Variants in SYNCRIP observed in about 807,000 individuals in gnomAD.
SYNCRIP encodes synaptotagmin binding cytoplasmic RNA interacting protein.
SYNCRIP carries 9 observed loss-of-function variants against 68.9 expected under a neutral mutation model. The observed-to-expected ratio is 0.13, with a 90% CI of 0.08 to 0.23. The LOEUF is 0.23. SYNCRIP is among the 10% of genes least tolerant of loss of function. SYNCRIP has a pLI of 1.00. For synonymous variants in SYNCRIP, 258 were observed against 254.0 expected, an observed-to-expected ratio of 1.02 and a Z score of -0.15; for missense variants, 414 against 770.6, an observed-to-expected ratio of 0.54 and a Z score of 5.48.
At chr6:85,639,619 TCAC>T (rs1383099135) in intron 4 of SYNCRIP, among the ~76,000 whole-genome samples, 7 of 152,084 alleles carry the variant, frequency 4.6e-5, no homozygotes, top group Non-Finnish European at 1.0e-4. Context: ...AGTAATACAA[TCAC>T]CACATTGTCT....
chr6:85,642,004 G>C (rs570917839), intron 1 of SYNCRIP, among the ~76,000 whole-genome samples: 1 of 152,204 alleles, frequency 6.6e-6, no homozygotes, highest in East Asian at 1.9e-4. Context: ...GCGGCCGCCA[G>C]GAGCCCATTA....
chr6:85,610,761 G>C (rs1036515375), downstream of SYNCRIP: 1 of 151,972 alleles, frequency 6.6e-6, no homozygotes, highest in Non-Finnish European at 1.5e-5. Flanking sequence ...ATTACACTGA[G>C]ATTCAATTTT....
At chr6:85,615,740 G>A (rs1805690109) in intron 10 of SYNCRIP, among the ~76,000 whole-genome samples, 1 of 152,188 alleles carries the variant, frequency 6.6e-6, no homozygotes, top group African/African-American at 2.4e-5. Context: ...AACCCAGGTG[G>A]CGGAGGCTGC....
downstream of SYNCRIP, chr6:85,609,661 C>T (rs946697436): frequency 6.6e-6 from 1 of 151,952 alleles, no homozygotes; most frequent in African/African-American, 2.4e-5. Flanking sequence ...AAAATTTTCT[C>T]ACAAAGCAAC....
At chr6:85,612,965 A>C, downstream of SYNCRIP, 1 of 1,546,104 alleles carries the variant, frequency 6.5e-7, no homozygotes, top group Non-Finnish European at 8.8e-7. Context: ...AAATCATCTT[A>C]AATTAATAAT....
chr6:85,613,358 TAAGA>T (rs1019142595), downstream of SYNCRIP, among the ~76,000 whole-genome samples: 6 of 152,228 alleles, frequency 3.9e-5, no homozygotes, highest in African/African-American at 2.4e-5. Context: ...GTGACATTTT[TAAGA>T]AAGTTTGTCT....
At chr6:85,613,019 T>C, downstream of SYNCRIP, 1 of 1,420,428 alleles carries the variant, frequency 7.0e-7, no homozygotes, top group Non-Finnish European at 9.5e-7. Context: ...AGCCTTAACA[T>C]GGTAATTCTA....
intron 6 of SYNCRIP, among the ~76,000 whole-genome samples, chr6:85,628,345 C>A (rs909030794): frequency 6.6e-6 from 1 of 152,340 alleles, no homozygotes; most frequent in East Asian, 1.9e-4. Context: ...CATGATCCAC[C>A]GCACCTGGCC....
intron 6 of SYNCRIP, among the ~76,000 whole-genome samples, chr6:85,624,883 A>T (rs544541539): frequency 2.0e-5 from 3 of 152,310 alleles, no homozygotes; most frequent in African/African-American, 7.2e-5. Context: ...ACACCTCAAA[A>T]TTTGTTACTA....
Position 85,615,073 on chromosome 6 carries a change from C to A in SYNCRIP, c.1555G>T (p.Gly519Cys). 6.2e-7 allele frequency: 1 copy of A among 1,614,132 alleles called. No homozygotes were observed. The highest frequency in any genetic ancestry group is 8.5e-7 in the Non-Finnish European group (1 of 1,180,022). ...CCTCTCTGTGAATAACCGGCTCTACCGCGGGGAGGAGCAGCCCCACGACCT... is the reference window on the plus strand; with the variant it reads ...CCTCTCTGTGAATAACCGGCTCTACAGCGGGGAGGAGCAGCCCCACGACCT... Reference protein sequence around the residue: ...SRGRGAAPPRGRAGYSQRGGP... With the variant: ...SRGRGAAPPRCRAGYSQRGGP... Residue 519 changes from glycine (G) to cysteine (C), a missense_variant, in exon 11 of 11, where the codon GGT (glycine) becomes TGT (cysteine). Gly to Cys is a radical substitution (Grantham distance 159). Around this residue, in one of 6 missense-constraint regions of SYNCRIP, gnomAD observed 130 missense variants for 149.0 expected, o/e 0.87. Transcript: ENST00000369622.
intron 4 of SYNCRIP, among the ~76,000 whole-genome samples, chr6:85,638,907 G>C (rs1808794732): frequency 6.6e-6 from 1 of 152,120 alleles, no homozygotes; most frequent in Non-Finnish European, 1.5e-5. Flanking sequence ...CCACAACTTA[G>C]CTCTCATTGA....
rs759373270 is a variant in SYNCRIP, at chr6:85,614,958, C to T, written c.1670G>A (p.Arg557His). The T allele has an allele frequency of 1.2e-5, 20 of 1,613,710 alleles. No individual in the cohort carries two copies. In the Admixed American group the frequency reaches 1.8e-4, roughly 15 times the overall value. Residue 557 changes from arginine (R) to histidine (H), a missense_variant, in exon 11 of 11, where the codon CGC becomes CAC. Around this residue, in one of 6 missense-constraint regions of SYNCRIP, gnomAD observed 130 missense variants for 149.0 expected, o/e 0.87. Transcript: ENST00000369622. ...GRGVRGARGG[R>H]GGNVGGKRKA... The stretch of plus-strand genomic sequence containing the variant: ...GCGCTTTCCTCCTACATTTCCACCG[C>T]GGCCACCCCTCGCACCACGTACCCC...
chr6:85,623,580 A>AAAAAAAAAAAAAC, intron 7 of SYNCRIP, among the ~76,000 whole-genome samples: 1 of 143,300 alleles, frequency 7.0e-6, no homozygotes, highest in African/African-American at 2.5e-5. Context: ...AAAAAAAAAA[A>AAAAAAAAAAAAAC]AAACACTCTG....
intron 6 of SYNCRIP, among the ~76,000 whole-genome samples, chr6:85,626,962 A>AT (rs1807108741): frequency 6.6e-6 from 1 of 151,914 alleles, no homozygotes; most frequent in Non-Finnish European, 1.5e-5. Context: ...CCCTACCCAC[A>AT]TTTTTTCAAT....
At chr6:85,638,246 G>A (rs1808695365) in intron 4 of SYNCRIP, among the ~76,000 whole-genome samples, 2 of 151,868 alleles carry the variant, frequency 1.3e-5, no homozygotes, top group East Asian at 3.9e-4. Flanking sequence ...GGTGGCACGC[G>A]CCTGTAATGC....
chr6:85,622,845 C>T (rs962394574), intron 7 of SYNCRIP, among the ~76,000 whole-genome samples, 158 bp from the exon 8 acceptor site: 8 of 152,136 alleles, frequency 5.3e-5, no homozygotes, highest in African/African-American at 1.4e-4. Context: ...AAACTAGGTC[C>T]GGATTATTTT....
intron 7 of SYNCRIP, 98 bp from the exon 8 acceptor site, chr6:85,622,785 T>A: frequency 1.1e-6 from 1 of 940,980 alleles, no homozygotes. Context: ...AATATCAAAA[T>A]GAAAAATCAT....
downstream of SYNCRIP, chr6:85,612,822 A>G (rs1805348911): frequency 1.3e-6 from 2 of 1,533,794 alleles, no homozygotes. Flanking sequence ...AGGTTGCTTG[A>G]TTTCCTTACC....
At chr6:85,623,848 C>T in intron 7 of SYNCRIP, 129 bp downstream of exon 7, 1 of 1,158,162 alleles carries the variant, frequency 8.6e-7, no homozygotes, top group Non-Finnish European at 1.2e-6. Context: ...GGGTTACCTA[C>T]ACTTCAAAAG....
Sources: allele counts gnomAD v4.1 joint callset (sites outside exome capture counted in the v4.1 genomes callset), GRCh38; gene constraint gnomAD v4.1.1; regional missense constraint gnomAD v4.1.1; transcripts MANE v1.5; gene names NCBI Gene and HGNC (gene_info 2026-07-23, HGNC 2026-07-21).